USP24: variants seen among roughly 807,000 people sequenced by gnomAD.
USP24 encodes ubiquitin specific peptidase 24.
USP24 carries 97 observed loss-of-function variants against 361.6 expected under a neutral mutation model. The observed-to-expected ratio is 0.27, with a 90% CI of 0.23 to 0.32. USP24 has a LOEUF of 0.32. Among genes scored for constraint, USP24 ranks in the 10% least tolerant of loss-of-function variants. The pLI, the probability that USP24 is intolerant of heterozygous loss-of-function variation, is 1.00. For synonymous variants in USP24, 1,098 were observed against 1,124.6 expected, an observed-to-expected ratio of 0.98 and a Z score of 0.47; for missense variants, 2,353 against 3,165.6, an observed-to-expected ratio of 0.74 and a Z score of 6.16.
At position 55,212,449 on chromosome 1, in the gene USP24, A is replaced by G. The variant is rs150846380; in HGVS notation, c.324+2341T>C. Among the ~76,000 whole-genome samples the G allele has an allele frequency of 2.9e-3, 438 of 152,244 alleles. 2 individuals carry two copies. The highest frequency in any genetic ancestry group is 4.8e-3 in the Non-Finnish European group (329 of 68,012). On this transcript the variant is annotated intron_variant, in intron 1 of 67. Transcript: ENST00000294383. ...ACCCACTACATAATCATATCCCTAA[A>G]AAGCCTACGTTAACTCTCTCACCAA...
chr1:55,071,791 C>A, intron 67 of USP24, 23 bp downstream of exon 67: 1 of 1,597,886 alleles, frequency 6.3e-7, no homozygotes, highest in Non-Finnish European at 8.5e-7. Flanking sequence ...CCTTTGCACA[C>A]AAGGACATGC....
At chr1:55,154,557 G>GT (rs1222490019) in intron 13 of USP24, 91 bp from the exon 14 acceptor site, 2 of 1,469,906 alleles carry the variant, frequency 1.4e-6, no homozygotes, top group Non-Finnish European at 9.3e-7. Context: ...CATTAACAAC[G>GT]TAAGAAAAGT....
intron 23 of USP24, among the ~76,000 whole-genome samples, chr1:55,142,440 T>C (rs557639131): frequency 7.9e-5 from 12 of 152,268 alleles, no homozygotes; most frequent in African/African-American, 2.9e-4. Flanking sequence ...AGAAAAAGAT[T>C]CTATTACAAA....
intron 1 of USP24, among the ~76,000 whole-genome samples, chr1:55,197,831 C>T (rs1644460788): frequency 6.6e-6 from 1 of 152,218 alleles, no homozygotes; most frequent in South Asian, 2.1e-4. Context: ...AAATCTATCT[C>T]CACATAACTT....
chr1:55,207,324 T>C (rs1483299417), intron 1 of USP24, among the ~76,000 whole-genome samples: 2 of 149,812 alleles, frequency 1.3e-5, no homozygotes, highest in Non-Finnish European at 3.0e-5. Context: ...TATGAAAAGC[T>C]GGGTTTTAAC....
chr1:55,206,322 T>C (rs1018156260), intron 1 of USP24, among the ~76,000 whole-genome samples: 2 of 152,196 alleles, frequency 1.3e-5, no homozygotes, highest in Non-Finnish European at 1.5e-5. Context: ...CAAAATGCAG[T>C]GGGAGAGTGT....
chr1:55,174,872 C>T (rs1472737225), intron 3 of USP24, among the ~76,000 whole-genome samples: 1 of 152,210 alleles, frequency 6.6e-6, no homozygotes, highest in Non-Finnish European at 1.5e-5. Context: ...TCAAGATGTC[C>T]TCCCGCTTTT....
intron 1 of USP24, among the ~76,000 whole-genome samples, chr1:55,196,868 G>A (rs1367262758): frequency 6.6e-6 from 1 of 152,194 alleles, no homozygotes; most frequent in African/African-American, 2.4e-5. Context: ...CCTCCCTGCT[G>A]CTCCTCCAAC....
Position 55,100,963 on chromosome 1 carries a change from G to T in USP24, c.5147C>A (p.Ser1716Ter). Residue 1716 changes from serine (S) to a stop codon, truncating the protein, a stop_gained and splice_region_variant, in exon 44 of 68, where the codon TCA becomes TAA. Transcript: ENST00000294383. LOFTEE classifies it high-confidence loss of function. ...QLYMQPGLPESLLSVDDDTDN... is the reference protein window; with the variant it reads ...QLYMQPGLPE ...TGTGTCATCATCCACTGAAAGTAAT[G>T]ACTGCACAGAAAAGAAACATATCAA... The T allele has an allele frequency of 6.2e-7, 1 of 1,607,012 alleles. No homozygotes were observed. Among genetic ancestry groups the T allele is most frequent in the South Asian group, 1.1e-5 (1 of 88,968 alleles).
At chr1:55,173,415 G>A (rs989419294) in intron 3 of USP24, among the ~76,000 whole-genome samples, 1 of 152,240 alleles carries the variant, frequency 6.6e-6, no homozygotes, top group South Asian at 2.1e-4. Flanking sequence ...AAAAAGTAGA[G>A]AAATTGAATG....
intron 25 of USP24, 52 bp from the exon 26 acceptor site, chr1:55,138,770 T>C: frequency 7.2e-7 from 1 of 1,395,786 alleles, no homozygotes; most frequent in Admixed American, 1.9e-5. Flanking sequence ...GATAAACACA[T>C]CAAAAATACA....
Position 55,124,514 on chromosome 1 carries a change from T to G in USP24, c.4075A>C (p.Asn1359His), listed in dbSNP as rs746035019. The G allele has an allele frequency of 8.1e-6, 13 of 1,613,576 alleles. No individual in the cohort carries two copies. The Admixed American group carries it at 2.2e-4, about 27-fold the overall frequency. Reference sequence around the variant, plus strand: ...CGAATTCCAGCAGGACACAGGGAATTACTTTCTTTAATTGGCTGGCTACTC... The same window carrying G: ...CGAATTCCAGCAGGACACAGGGAATGACTTTCTTTAATTGGCTGGCTACTC... ...VGSSQPIKES[N>H]SLCPAGIRNR... The change falls in exon 35 of 68, where the codon AAT becomes CAT. Residue 1359 changes from asparagine (N) to histidine (H), a missense_variant. By Grantham distance (68) the Asn-to-His change is moderately conservative (BLOSUM62 1). Around this residue, in one of 8 missense-constraint regions of USP24, gnomAD observed 949 missense variants for 1,280.5 expected, o/e 0.74. Coordinates refer to ENST00000294383, the MANE Select transcript of USP24 (RefSeq NM_015306.3).
intron 56 of USP24, among the ~76,000 whole-genome samples, chr1:55,085,193 C>A (rs923218156): frequency 1.3e-5 from 2 of 152,068 alleles, no homozygotes; most frequent in Admixed American, 6.6e-5. Flanking sequence ...TCTTTGAGGA[C>A]CTTCCTAAGG....
intron 28 of USP24, 57 bp from the exon 29 acceptor site, chr1:55,134,470 T>C: frequency 7.0e-7 from 1 of 1,437,034 alleles, no homozygotes; most frequent in South Asian, 1.2e-5. Context: ...TCTCCTTTCC[T>C]AATCAAACTT....
At chr1:55,084,770 C>G (rs901692743) in intron 56 of USP24, among the ~76,000 whole-genome samples, 2 of 152,210 alleles carry the variant, frequency 1.3e-5, no homozygotes, top group African/African-American at 4.8e-5. Context: ...AGCTGGGCAT[C>G]AGACAGAATT....
chr1:55,205,555 A>G (rs1432347286), intron 1 of USP24, among the ~76,000 whole-genome samples: 1 of 152,258 alleles, frequency 6.6e-6, no homozygotes, highest in Admixed American at 6.5e-5. Context: ...GCTAGGAAGC[A>G]GTATACTTTT....
chr1:55,201,831 G>GT (rs1644583777), intron 1 of USP24, among the ~76,000 whole-genome samples: 1 of 152,102 alleles, frequency 6.6e-6, no homozygotes, highest in Non-Finnish European at 1.5e-5. Flanking sequence ...AGTACAGGTG[G>GT]TATGTTAGCA....
chr1:55,086,165 G>A (rs1253917640), intron 55 of USP24, 127 bp from the exon 56 acceptor site: 9 of 815,804 alleles, frequency 1.1e-5, no homozygotes, highest in Non-Finnish European at 1.8e-5. Context: ...TAGCGCTTAT[G>A]GGCCAAGTGG....
intron 5 of USP24, among the ~76,000 whole-genome samples, chr1:55,170,431 T>G (rs1240926818): frequency 2.0e-5 from 3 of 152,178 alleles, no homozygotes; most frequent in African/African-American, 7.2e-5. Flanking sequence ...TCACTTGATC[T>G]TCACAACACA....
Sources: allele counts gnomAD v4.1 joint callset (sites outside exome capture counted in the v4.1 genomes callset), GRCh38; gene constraint gnomAD v4.1.1; regional missense constraint gnomAD v4.1.1; transcripts MANE v1.5; gene names NCBI Gene and HGNC (gene_info 2026-07-23, HGNC 2026-07-21).